FAM13B: variants seen among roughly 807,000 people sequenced by gnomAD.
FAM13B encodes family with sequence similarity 13 member B.
A neutral mutation model predicts 117.3 loss-of-function variants in FAM13B; 60 were observed. The observed-to-expected ratio is 0.51, with a 90% CI of 0.42 to 0.63. FAM13B has a LOEUF of 0.63. Ranked by LOEUF, FAM13B falls within the 30% of genes least tolerant of loss-of-function variation. The pLI, the probability that FAM13B is intolerant of heterozygous loss-of-function variation, is 0.00. For missense variants in FAM13B, 972 were observed against 1,091.9 expected, an observed-to-expected ratio of 0.89 and a Z score of 1.55; for synonymous variants, 332 against 356.1, an observed-to-expected ratio of 0.93 and a Z score of 0.76.
intron 17 of FAM13B, 83 bp from the exon 18 acceptor site, chr5:137,949,267 G>T (rs567207495): frequency 5.0e-6 from 5 of 996,138 alleles, no homozygotes; most frequent in African/African-American, 4.8e-5. Flanking sequence ...TACACAACAA[G>T]AAAGTATACA....
chr5:137,940,992 G>A (rs893478324), intron 23 of FAM13B, among the ~76,000 whole-genome samples: 21 of 152,100 alleles, frequency 1.4e-4, no homozygotes, highest in African/African-American at 4.6e-4. Flanking sequence ...TGCAAGCTCC[G>A]CCTCCCGGAT....
In FAM13B at chr5:137,954,033, A is replaced by ATC. The variant is rs901136343; in HGVS notation, c.1718+131_1718+132dup. 385 of 641,020 alleles carry ATC rather than the reference A, an allele frequency of 6.0e-4. 1 individual carries two copies. Among genetic ancestry groups the ATC allele is most frequent in the Middle Eastern group, 1.3e-3 (3 of 2,310 alleles). 39.7% of individuals were successfully genotyped at this position (641,020 alleles called of 1,614,324 possible). A position where few individuals can be genotyped will look rare whatever the true frequency, so the allele number is the denominator to read the frequency against. ...CTGAATTCTATGTCTAGAAGACTCAATCTCTCTCTTTTTTTTTTTTTTTTT... is the reference window on the plus strand; with the variant it reads ...CTGAATTCTATGTCTAGAAGACTCAATCTCTCTCTCTTTTTTTTTTTTTTTTT... On this transcript the variant is annotated intron_variant, in intron 15 of 23. Transcript: ENST00000689681.
At chr5:138,046,219 G>C (rs1315698818) in intron 1 of FAM13B, among the ~76,000 whole-genome samples, 1 of 152,186 alleles carries the variant, frequency 6.6e-6, no homozygotes, top group Non-Finnish European at 1.5e-5. Flanking sequence ...CCATGATTGT[G>C]AGGCCTCCCC....
At chr5:138,041,800 A>G (rs545146274) in intron 1 of FAM13B, among the ~76,000 whole-genome samples, 13 of 151,920 alleles carry the variant, frequency 8.6e-5, no homozygotes, top group Admixed American at 3.9e-4. Context: ...GGGGGGTGGT[A>G]CTGAGACAGG....
intron 7 of FAM13B, among the ~76,000 whole-genome samples, chr5:138,000,083 A>T (rs938329218): frequency 1.3e-5 from 2 of 152,242 alleles, no homozygotes; most frequent in African/African-American, 4.8e-5. Context: ...ATTTAAAAAA[A>T]ATTACACTAA....
intron 23 of FAM13B, 131 bp downstream of exon 23, chr5:137,941,813 T>A: frequency 2.9e-6 from 2 of 696,028 alleles, no homozygotes; most frequent in Non-Finnish European, 4.9e-6. Flanking sequence ...CATAAAGGAA[T>A]GTTTTAAAAT....
At chr5:138,039,477 C>G (rs1791406231) in intron 1 of FAM13B, 1 of 152,148 alleles carries the variant, frequency 6.6e-6, no homozygotes, top group African/African-American at 2.4e-5. Context: ...CCCTTTGAGT[C>G]AGGGTCTGGG....
At chr5:137,989,111 T>C (rs1041106287) in intron 7 of FAM13B, among the ~76,000 whole-genome samples, 2 of 152,230 alleles carry the variant, frequency 1.3e-5, no homozygotes, top group South Asian at 2.1e-4. Flanking sequence ...CACTTAGCCA[T>C]AGGGAGGAGT....
chr5:137,977,082 G>A lies in FAM13B; in HGVS notation c.1179+8175C>T, dbSNP rs988944053. 5.3e-5 allele frequency among the ~76,000 whole-genome samples: 8 copies of A among 152,296 alleles called. No individual in the cohort carries two copies. In the South Asian group the frequency reaches 8.3e-4, roughly 16 times the overall value. ...CCTGAGAAAGAGAATGCACCCCTGA[G>A]GGTAGGTCTCTGAAATGGCCTCCTT... On this transcript the variant is annotated intron_variant, in intron 10 of 23. Coordinates refer to ENST00000689681, the MANE Select transcript of FAM13B (RefSeq NM_001385994.1).
At chr5:138,015,986 T>C (rs1198686002) in intron 4 of FAM13B, among the ~76,000 whole-genome samples, 1 of 152,274 alleles carries the variant, frequency 6.6e-6, no homozygotes, top group African/African-American at 2.4e-5. Flanking sequence ...AAAGCACTTA[T>C]TGACCATAAG....
chr5:138,010,806 T>C (rs1672525936), intron 6 of FAM13B, among the ~76,000 whole-genome samples: 1 of 152,080 alleles, frequency 6.6e-6, no homozygotes, highest in African/African-American at 2.4e-5. Context: ...CTTTTCCTTA[T>C]TAATCAAATT....
chr5:138,030,633 T>A (rs942448302), intron 1 of FAM13B, among the ~76,000 whole-genome samples: 18 of 151,332 alleles, frequency 1.2e-4, no homozygotes, highest in Admixed American at 3.3e-4. Context: ...AGTGGGTTTT[T>A]AAAAAAATAC....
In FAM13B at chr5:137,986,906, A is replaced by T. The variant is rs561555706; in HGVS notation, c.1046+555T>A. ...TCTTCTGAGTATCATGTCAGTGCTC[A>T]AAGTTTTGGATTTGGGAGCACTTCA... is the stretch of plus-strand genomic sequence containing the variant. On this transcript the variant is annotated intron_variant, in intron 9 of 23. Transcript: ENST00000689681. Among the ~76,000 whole-genome samples, 124 of 152,326 alleles carry T rather than the reference A, an allele frequency of 8.1e-4. 2 individuals are homozygous for T. The highest frequency in any genetic ancestry group is 7.5e-3 in the South Asian group (36 of 4,830).
At chr5:138,015,184 C>T (rs1784963809) in intron 4 of FAM13B, among the ~76,000 whole-genome samples, 1 of 152,112 alleles carries the variant, frequency 6.6e-6, no homozygotes, top group Non-Finnish European at 1.5e-5. Flanking sequence ...ACACAACTCC[C>T]CATCACAAAA....
chr5:137,961,876 G>C (rs1018362751), intron 11 of FAM13B, among the ~76,000 whole-genome samples: 7 of 142,390 alleles, frequency 4.9e-5, no homozygotes, highest in African/African-American at 1.9e-4. Flanking sequence ...GCTATCTATT[G>C]AGACTCTACA....
At position 138,011,965 on chromosome 5, in the gene FAM13B, G is replaced by A; in HGVS notation, c.371-20C>T. 1 of 1,521,162 alleles carries A rather than the reference G, an allele frequency of 6.6e-7. No homozygotes were observed. The highest frequency in any genetic ancestry group is 8.9e-7 in the Non-Finnish European group (1 of 1,129,488). The allele number at this position is 1,521,162 out of a possible 1,614,324, so 94.2% of individuals were successfully genotyped here. On this transcript the variant is annotated intron_variant, in intron 4 of 23. Coordinates refer to ENST00000689681, the MANE Select transcript of FAM13B (RefSeq NM_001385994.1). ...TATAATCTATAAAACAATAATAACA[G>A]GTTTTTTTCAATAAAGGAAAAAGCA...
intron 17 of FAM13B, among the ~76,000 whole-genome samples, chr5:137,952,361 T>C (rs1765270098): frequency 6.6e-6 from 1 of 152,134 alleles, no homozygotes; most frequent in Non-Finnish European, 1.5e-5. Context: ...CTTATTAATA[T>C]ACAATCTCAG....
At chr5:137,952,217 C>T (rs938233361) in intron 17 of FAM13B, among the ~76,000 whole-genome samples, 2 of 152,182 alleles carry the variant, frequency 1.3e-5, no homozygotes, top group Admixed American at 6.5e-5. Flanking sequence ...GTGGTATAAA[C>T]GAGTCACTGT....
At chr5:137,987,111 ACTGT>A (rs1777427720) in intron 9 of FAM13B, among the ~76,000 whole-genome samples, 1 of 152,304 alleles carries the variant, frequency 6.6e-6, no homozygotes, top group East Asian at 1.9e-4. Context: ...TGCCCCTGTA[ACTGT>A]CTGTCTAGAT....
Sources: allele counts gnomAD v4.1 joint callset (sites outside exome capture counted in the v4.1 genomes callset), GRCh38; gene constraint gnomAD v4.1.1; transcripts MANE v1.5; gene names NCBI Gene and HGNC (gene_info 2026-07-23, HGNC 2026-07-21).